The following CATSPERE variants were observed in gnomAD, a reference collection of about 807,000 sequenced individuals.
CATSPERE encodes the protein cation channel sperm-associated auxiliary subunit epsilon.
Under a neutral mutation model 114.1 loss-of-function variants are expected in CATSPERE, and 93 were observed. The ratio of observed to expected loss-of-function variants is 0.81; its 90% CI spans 0.69 to 0.97. CATSPERE has a LOEUF of 0.97. CATSPERE is among the 50% of genes least tolerant of loss of function. The pLI is 0.00. For synonymous variants in CATSPERE, 341 were observed against 384.1 expected (o/e 0.89, Z 1.31); for missense variants, 1,058 against 1,131.6 (o/e 0.93, Z 0.93).
At chr1:244,494,085 A>C (rs1022541281) in intron 6 of CATSPERE, among the ~76,000 whole-genome samples, 1 of 152,170 alleles carries the variant, frequency 6.6e-6, no homozygotes, top group Non-Finnish European at 1.5e-5. Context: ...CATTTGACCC[A>C]GCCATCCCAT....
intron 4 of CATSPERE, among the ~76,000 whole-genome samples, chr1:244,478,339 C>T (rs191399023): frequency 5.3e-5 from 8 of 152,316 alleles, no homozygotes; most frequent in African/African-American, 7.2e-5. Context: ...ATTTATTTTA[C>T]TCCACTGCAT....
intron 8 of CATSPERE, among the ~76,000 whole-genome samples, chr1:244,530,007 G>T (rs1679338033): frequency 6.6e-6 from 1 of 152,070 alleles, no homozygotes; most frequent in Non-Finnish European, 1.5e-5. Context: ...AAGTGCAATG[G>T]CATGATCTTG....
At chr1:244,466,360 A>G (rs927953185) in intron 2 of CATSPERE, among the ~76,000 whole-genome samples, 1 of 152,174 alleles carries the variant, frequency 6.6e-6, no homozygotes, top group Admixed American at 6.6e-5. Flanking sequence ...GCTTTGCAGA[A>G]CAGCTTGCTT....
Position 244,560,721 on chromosome 1 carries a change from C to G in CATSPERE, c.1083C>G (p.Leu361=). Residue 361 remains leucine (L), a synonymous_variant, in exon 10 of 22, where the codon CTC becomes CTG. Coordinates refer to ENST00000366534, the MANE Select transcript of CATSPERE (RefSeq NM_001130957.2). ...FAVWTENEIY[L]GSILLKFARL... Reference sequence around the variant, plus strand: ...TCTGGACAGAAAATGAAATTTACCTCGGATCCATTCTTCTTAAGTTTGCCA... The same window carrying G: ...TCTGGACAGAAAATGAAATTTACCTGGGATCCATTCTTCTTAAGTTTGCCA... 6.2e-7 allele frequency: 1 copy of G among 1,613,628 alleles called. No individual in the cohort carries two copies. The highest frequency in any genetic ancestry group is 8.5e-7 in the Non-Finnish European group (1 of 1,179,866).
rs1265698167 is a variant in CATSPERE, at chr1:244,633,613, C to CATGA, written c.2649-1875_2649-1872dup. On this transcript the variant is annotated intron_variant, in intron 20 of 21. Coordinates refer to ENST00000366534, the MANE Select transcript of CATSPERE (RefSeq NM_001130957.2). This position sits in a 1 kb window ranked among gnomAD's most constrained non-coding sequence, Gnocchi z 4.1. ...GCCCTCTGGAGGACACATGTGCAGG[C>CATGA]ATGAGCACACGCATGCACACACACA... Among the ~76,000 whole-genome samples, 10 of 152,192 alleles carry CATGA rather than the reference C, an allele frequency of 6.6e-5. No homozygotes were observed. The highest frequency in any genetic ancestry group is 2.4e-4 in the African/African-American group (10 of 41,526).
chr1:244,516,126 G>T (rs1228081925), intron 7 of CATSPERE, among the ~76,000 whole-genome samples: 2 of 151,752 alleles, frequency 1.3e-5, no homozygotes, highest in African/African-American at 4.8e-5. Flanking sequence ...GAAAGGCAGA[G>T]GTTGCAGTGA....
Position 244,586,590 on chromosome 1 carries a change from A to T in CATSPERE, c.2086-1892A>T, listed in dbSNP as rs576799155. Among the ~76,000 whole-genome samples the T allele has an allele frequency of 4.6e-5, 7 of 152,270 alleles. No homozygotes were observed. In the East Asian group the frequency reaches 1.4e-3, roughly 29 times the overall value. On this transcript the variant is annotated intron_variant, in intron 13 of 21. Coordinates refer to ENST00000366534, the MANE Select transcript of CATSPERE (RefSeq NM_001130957.2). ...CTCCCACTGTGAAGCATGCCTTTGA[A>T]ATGAAGACCAAAAGGTCTTGGTTTA...
chr1:244,451,839 G>C (rs763976991), upstream of CATSPERE: 3 of 1,551,490 alleles, frequency 1.9e-6, no homozygotes, highest in Non-Finnish European at 2.6e-6. The surrounding 1 kb of genome is among the most constrained non-coding windows in gnomAD (Gnocchi z 6.6). Context: ...CGCGAGGAGA[G>C]CCCGAAGGAG....
At chr1:244,529,517 AT>A (rs1156968416) in intron 8 of CATSPERE, among the ~76,000 whole-genome samples, 1 of 151,660 alleles carries the variant, frequency 6.6e-6, no homozygotes, top group African/African-American at 2.4e-5. Flanking sequence ...GGATTATTAT[AT>A]TTTTTTCCTA....
rs138570310 is a variant in CATSPERE, at chr1:244,575,993, GTC to G, written c.1950+3223_1950+3224del. Among the ~76,000 whole-genome samples the G allele has an allele frequency of 6.6e-4, 100 of 152,100 alleles. No homozygotes were observed. Among genetic ancestry groups the G allele is most frequent in the Non-Finnish European group, 1.1e-3 (75 of 67,980 alleles). ...AGGAATGCTCTACTGCCTCTGCGGT[GTC>G]TGTTTCCTTGGTATATCCTGTCCAA... On this transcript the variant is annotated intron_variant, in intron 11 of 21. Transcript: ENST00000366534. This position sits in a 1 kb window ranked among gnomAD's most constrained non-coding sequence, Gnocchi z 4.5.
chr1:244,469,719 A>G (rs1399629166), intron 2 of CATSPERE, among the ~76,000 whole-genome samples: 2 of 152,218 alleles, frequency 1.3e-5, no homozygotes, highest in East Asian at 3.8e-4. Context: ...TGGAAATTCA[A>G]GAGTACCAGA....
intron 2 of CATSPERE, among the ~76,000 whole-genome samples, chr1:244,472,785 C>T (rs1160283088): frequency 6.6e-6 from 1 of 152,272 alleles, no homozygotes; most frequent in South Asian, 2.1e-4. Context: ...CCTTTTCAAT[C>T]CTCCCCCTCC....
chr1:244,634,602 T>G (rs1674377693), intron 20 of CATSPERE, among the ~76,000 whole-genome samples: 1 of 152,222 alleles, frequency 6.6e-6, no homozygotes, highest in South Asian at 2.1e-4. Context: ...CCCCTAATAC[T>G]CAGCTTCCTG....
Position 244,490,489 on chromosome 1 carries a change from T to C in CATSPERE, c.351+18T>C, listed in dbSNP as rs1016613492. Reference sequence around the variant, plus strand: ...TTACCCAGGTAAAATATTTTTTAAATTTTGTATAGCCTTCATATATCACTA... The same window carrying C: ...TTACCCAGGTAAAATATTTTTTAAACTTTGTATAGCCTTCATATATCACTA... On this transcript the variant is annotated intron_variant, in intron 6 of 21. Coordinates refer to ENST00000366534, the MANE Select transcript of CATSPERE (RefSeq NM_001130957.2). 2.8e-6 allele frequency: 4 copies of C among 1,409,874 alleles called. No homozygotes were observed. Among genetic ancestry groups the C allele is most frequent in the Non-Finnish European group, 4.0e-6 (4 of 999,586 alleles). The allele number at this position is 1,409,874 out of a possible 1,614,324, so 87.3% of individuals were successfully genotyped here. A position where few individuals can be genotyped will look rare whatever the true frequency, so the allele number is the denominator to read the frequency against.
intron 5 of CATSPERE, among the ~76,000 whole-genome samples, chr1:244,488,881 A>G (rs1331723789): frequency 1.3e-5 from 2 of 152,224 alleles, no homozygotes; most frequent in Admixed American, 6.5e-5. Context: ...AACACATGAA[A>G]TAGAATATTC....
At position 244,515,611 on chromosome 1, in the gene CATSPERE, C is replaced by G. The variant is rs3006040; in HGVS notation, c.430-2981C>G. Among the ~76,000 whole-genome samples, 1,106 of 152,138 alleles carry G rather than the reference C, an allele frequency of 7.3e-3. 14 individuals carry two copies. The highest frequency in any genetic ancestry group is 0.025 in the African/African-American group (1,026 of 41,504). On this transcript the variant is annotated intron_variant, in intron 7 of 21. Transcript: ENST00000366534. Reference sequence around the variant, plus strand: ...GAATATACTCTGAGAAGAGAGGGGGCCTAAGGCCAGACCCTGGGAACCATT... The same window carrying G: ...GAATATACTCTGAGAAGAGAGGGGGGCTAAGGCCAGACCCTGGGAACCATT...
At chr1:244,552,299 TTC>T (rs1302448619) in intron 8 of CATSPERE, 21 bp from the exon 9 acceptor site, 1 of 1,569,434 alleles carries the variant, frequency 6.4e-7, no homozygotes, top group Admixed American at 1.9e-5. Context: ...GATCATTTTA[TTC>T]TCTTTTCTTT....
chr1:244,605,566 G>A, intron 17 of CATSPERE, 129 bp from the exon 18 acceptor site: 1 of 508,178 alleles, frequency 2.0e-6, no homozygotes, highest in Non-Finnish European at 3.4e-6. Flanking sequence ...CTCCCCCAGA[G>A]TTACTTTATC....
chr1:244,558,290 GTGCCACCA>G (rs1272329947), intron 9 of CATSPERE, among the ~76,000 whole-genome samples: 18 of 151,882 alleles, frequency 1.2e-4, no homozygotes, highest in Admixed American at 1.2e-3. Context: ...CTACAGGCAC[GTGCCACCA>G]TGCCCAGCTA....
Sources: allele counts gnomAD v4.1 joint callset (sites outside exome capture counted in the v4.1 genomes callset), GRCh38; gene constraint gnomAD v4.1.1; non-coding constraint Gnocchi (gnomAD v3.1); transcripts MANE v1.5; gene names NCBI Gene and HGNC (gene_info 2026-07-23, HGNC 2026-07-21).